KLHL1: variants seen among roughly 807,000 people sequenced by gnomAD.
KLHL1 encodes kelch like family member 1.
A neutral mutation model predicts 77.7 loss-of-function variants in KLHL1; 47 were observed. That is an observed-to-expected ratio of 0.60 (90% CI 0.48 to 0.77). KLHL1 has a LOEUF of 0.77. Among genes scored for constraint, KLHL1 ranks in the 30% least tolerant of loss-of-function variants. KLHL1 has a pLI of 0.00. For synonymous variants in KLHL1, 360 were observed against 325.2 expected, an observed-to-expected ratio of 1.11 and a Z score of -1.15; for missense variants, 925 against 910.8, an observed-to-expected ratio of 1.02 and a Z score of -0.20.
intron 1 of KLHL1, among the ~76,000 whole-genome samples, chr13:70,070,280 T>C (rs1887109169): frequency 6.6e-6 from 1 of 151,914 alleles, no homozygotes; most frequent in South Asian, 2.1e-4. Flanking sequence ...AACATCAAGA[T>C]TCTTCACCTA....
Position 69,773,149 on chromosome 13 carries a change from TAG to T in KLHL1, c.1639+23587_1639+23588del, listed in dbSNP as rs1593815061. On this transcript the variant is annotated intron_variant, in intron 7 of 10. Transcript: ENST00000377844. ...TTGTTTTATTTTTGTACATGCATAA[TAG>T]ATATATATTAAATTATTTATTTTTC... 6.7e-5 allele frequency among the ~76,000 whole-genome samples: 6 copies of T among 89,052 alleles called. No homozygotes were observed. The East Asian group carries it at 2.2e-3, about 32-fold the overall frequency. 58.4% of individuals were successfully genotyped at this position (89,052 alleles called of 152,430 possible).
intron 7 of KLHL1, among the ~76,000 whole-genome samples, chr13:69,784,882 ATTT>A (rs775109435): frequency 2.6e-3 from 210 of 79,490 alleles, no homozygotes; most frequent in African/African-American, 1.0e-2. Context: ...CAGAATATAC[ATTT>A]TTTTTTTTTT....
chr13:69,905,985 A>C (rs1309380032), intron 4 of KLHL1, among the ~76,000 whole-genome samples: 1 of 152,088 alleles, frequency 6.6e-6, no homozygotes, highest in East Asian at 1.9e-4. Flanking sequence ...ATGCTAATCA[A>C]TTGATGTCCC....
intron 1 of KLHL1, among the ~76,000 whole-genome samples, chr13:70,005,295 T>C (rs781762902): frequency 1.4e-4 from 22 of 152,070 alleles, no homozygotes; most frequent in Non-Finnish European, 2.6e-4. Context: ...TCTTACCAAA[T>C]TAAATTGATT....
chr13:69,915,787 A>G (rs1375631359), intron 4 of KLHL1, among the ~76,000 whole-genome samples: 1 of 152,060 alleles, frequency 6.6e-6, no homozygotes, highest in Non-Finnish European at 1.5e-5. Context: ...AAAAGAAACT[A>G]CCATCAGAGT....
At chr13:70,100,409 C>T (rs575475358) in intron 1 of KLHL1, among the ~76,000 whole-genome samples, 31 of 151,886 alleles carry the variant, frequency 2.0e-4, no homozygotes, top group Middle Eastern at 3.4e-3. Flanking sequence ...ATTTTTTTGT[C>T]GATTTCATCA....
intron 1 of KLHL1, among the ~76,000 whole-genome samples, chr13:69,976,786 C>G (rs916655931): frequency 4.6e-5 from 7 of 152,032 alleles, no homozygotes; most frequent in Admixed American, 6.6e-5. Flanking sequence ...CATACAATAT[C>G]AAAATAATTA....
intron 3 of KLHL1, among the ~76,000 whole-genome samples, chr13:69,944,385 C>T (rs528200503): frequency 6.6e-6 from 1 of 152,340 alleles, no homozygotes; most frequent in South Asian, 2.1e-4. Context: ...TACCTGGTTT[C>T]ATTTGGCCTT....
intron 1 of KLHL1, among the ~76,000 whole-genome samples, chr13:70,008,330 T>C (rs947573964): frequency 2.6e-5 from 4 of 152,084 alleles, no homozygotes; most frequent in Non-Finnish European, 4.4e-5. Context: ...ATTGAGAACA[T>C]GCACTTGTGC....
intron 1 of KLHL1, among the ~76,000 whole-genome samples, chr13:70,046,682 G>C (rs1368568090): frequency 6.6e-6 from 1 of 151,886 alleles, no homozygotes; most frequent in Non-Finnish European, 1.5e-5. Flanking sequence ...TTGTTGTTTT[G>C]TTCTGTTTTT....
At chr13:69,712,931 T>G (rs1470644242) in intron 9 of KLHL1, among the ~76,000 whole-genome samples, 1 of 151,868 alleles carries the variant, frequency 6.6e-6, no homozygotes, top group South Asian at 2.1e-4. Context: ...CACCTTAACC[T>G]CCAGAGTAGC....
chr13:70,096,147 T>C (rs1352261882), intron 1 of KLHL1, among the ~76,000 whole-genome samples: 2 of 152,122 alleles, frequency 1.3e-5, no homozygotes, highest in Non-Finnish European at 2.9e-5. Context: ...TGTGCTGCAA[T>C]AAACACAGGA....
At chr13:69,873,030 A>C (rs919957571) in intron 5 of KLHL1, among the ~76,000 whole-genome samples, 3 of 152,202 alleles carry the variant, frequency 2.0e-5, no homozygotes, top group Admixed American at 2.0e-4. Flanking sequence ...TTGAATAGAC[A>C]TCAATTCTTA....
Position 69,914,951 on chromosome 13 carries a change from T to TA in KLHL1, c.1014+25088dup, listed in dbSNP as rs558072556. Among the ~76,000 whole-genome samples, 8 of 152,286 alleles carry TA rather than the reference T, an allele frequency of 5.3e-5. No individual in the cohort carries two copies. In the South Asian group the frequency reaches 1.7e-3, roughly 32 times the overall value. On this transcript the variant is annotated intron_variant, in intron 4 of 10. Transcript: ENST00000377844. ...CATTAATACAAGAGAAATACACATGTAAACAACACTAACATATCACTTTTT... is the reference window on the plus strand; with the variant it reads ...CATTAATACAAGAGAAATACACATGTAAAACAACACTAACATATCACTTTTT...
chr13:69,973,838 T>C (rs9592669), intron 2 of KLHL1, among the ~76,000 whole-genome samples: 1 of 151,838 alleles, frequency 6.6e-6, no homozygotes, highest in Non-Finnish European at 1.5e-5. Context: ...TGTTAAAAAT[T>C]TAATTGGGAG....
intron 1 of KLHL1, among the ~76,000 whole-genome samples, chr13:70,044,819 T>C (rs1886456412): frequency 6.6e-6 from 1 of 152,190 alleles, no homozygotes. Context: ...CCTGCATCCT[T>C]GGCACTCCAG....
intron 2 of KLHL1, among the ~76,000 whole-genome samples, chr13:69,965,442 G>C (rs1360383389): frequency 1.3e-5 from 2 of 152,054 alleles, no homozygotes; most frequent in East Asian, 3.9e-4. Context: ...GTATAGTTCT[G>C]ACTGCTTCAC....
rs71116988 is a variant in KLHL1 at position 70,084,622 on chromosome 13, C to CTTTTTTTTTTTTTT, written c.497+22567_497+22580dup. Reference sequence around the variant, plus strand: ...TACAGGCACCTGCCACCACGCCAGGCTTTTTTTTTTTTTTTTTTTTTTTTT... The same window carrying CTTTTTTTTTTTTTT: ...TACAGGCACCTGCCACCACGCCAGGCTTTTTTTTTTTTTTTTTTTTTTTTTTTTTTTTTTTTTTT... On this transcript the variant is annotated intron_variant, in intron 1 of 10. Coordinates refer to ENST00000377844, the MANE Select transcript of KLHL1 (RefSeq NM_020866.3). 4.1e-3 allele frequency among the ~76,000 whole-genome samples: 62 copies of CTTTTTTTTTTTTTT among 14,956 alleles called. 10 individuals carry two copies. The highest frequency in any genetic ancestry group is 0.023 in the East Asian group (5 of 220). The allele number at this position is 14,956 out of a possible 152,430, so 9.8% of individuals were successfully genotyped here.
chr13:69,933,155 T>C (rs1883061407), intron 4 of KLHL1, among the ~76,000 whole-genome samples: 2 of 151,994 alleles, frequency 1.3e-5, no homozygotes, highest in South Asian at 4.1e-4. Flanking sequence ...ATGCTGAAAG[T>C]CAAATTTTGG....
Sources: allele counts gnomAD v4.1 joint callset (sites outside exome capture counted in the v4.1 genomes callset), GRCh38; gene constraint gnomAD v4.1.1; transcripts MANE v1.5; gene names NCBI Gene and HGNC (gene_info 2026-07-23, HGNC 2026-07-21).